AKAP13: variants seen among roughly 807,000 people sequenced by gnomAD.
The protein encoded by AKAP13 is A-kinase anchor protein 13.
A neutral mutation model predicts 264.5 loss-of-function variants in AKAP13; 80 were observed. The observed-to-expected ratio is 0.30, with a 90% CI of 0.25 to 0.36. The LOEUF (loss-of-function observed/expected upper bound fraction) is 0.36. Among genes scored for constraint, AKAP13 ranks in the 10% least tolerant of loss-of-function variants. The pLI is 1.00. For synonymous variants in AKAP13, 1,380 were observed against 1,250.2 expected (o/e 1.10, Z -2.19); for missense variants, 3,712 against 3,435.2 (o/e 1.08, Z -2.01).
intron 1 of AKAP13, among the ~76,000 whole-genome samples, chr15:85,387,626 G>A (rs938926510): frequency 1.3e-5 from 2 of 152,158 alleles, no homozygotes; most frequent in Non-Finnish European, 2.9e-5. Context: ...TGCCCAGCCT[G>A]CTGTGGTTTT....
Position 85,490,937 on chromosome 15 carries a change from G to T in AKAP13, c.33+5184G>T, listed in dbSNP as rs147189006. Among the ~76,000 whole-genome samples, 162 of 152,244 alleles carry T rather than the reference G, an allele frequency of 1.1e-3. 1 individual carries two copies. Among genetic ancestry groups the T allele is most frequent in the African/African-American group, 3.8e-3 (158 of 41,532 alleles). On this transcript the variant is annotated intron_variant, in intron 2 of 36. Coordinates refer to ENST00000394518, the MANE Select transcript of AKAP13 (RefSeq NM_007200.5). ...TGGGTGGTCAGGGAAGGCCTTTGAG[G>T]GGCATGTCATTTAGGCTGAGACCTG...
intron 1 of AKAP13, among the ~76,000 whole-genome samples, chr15:85,444,645 A>T (rs1052914042): frequency 6.6e-6 from 1 of 152,220 alleles, no homozygotes; most frequent in African/African-American, 2.4e-5. Flanking sequence ...TCTAAGATGG[A>T]CTACAGAATC....
chr15:85,604,288 T>C (rs1017670072), intron 8 of AKAP13, among the ~76,000 whole-genome samples: 1 of 152,212 alleles, frequency 6.6e-6, no homozygotes, highest in African/African-American at 2.4e-5. Flanking sequence ...ATTTAATCAC[T>C]GTGGCAGGAG....
At chr15:85,457,666 A>ACT (rs1356051672) in intron 1 of AKAP13, among the ~76,000 whole-genome samples, 1 of 152,190 alleles carries the variant, frequency 6.6e-6, no homozygotes, top group African/African-American at 2.4e-5. Context: ...TCTTTTGCTT[A>ACT]CTATGTCTGT....
intron 9 of AKAP13, 74 bp from the exon 10 acceptor site, chr15:85,645,744 G>A: frequency 6.8e-7 from 1 of 1,466,522 alleles, no homozygotes; most frequent in Admixed American, 2.3e-5. Flanking sequence ...GGGTGAAAAG[G>A]AAGTGGTTCT....
Position 85,673,758 on chromosome 15 carries a change from T to G in AKAP13, c.5101+3928T>G, listed in dbSNP as rs1375351431. 3.7e-5 allele frequency among the ~76,000 whole-genome samples: 5 copies of G among 136,580 alleles called. No homozygotes were observed. In the East Asian group the frequency reaches 1.2e-3, roughly 33 times the overall value. 89.6% of individuals were successfully genotyped at this position (136,580 alleles called of 152,430 possible). On this transcript the variant is annotated intron_variant, in intron 14 of 36. Coordinates refer to ENST00000394518, the MANE Select transcript of AKAP13 (RefSeq NM_007200.5). Reference sequence around the variant, plus strand: ...TGGAGTGCAGTGGCACGATCTTGGCTCACTGCAAGCTCTGCCTCCCGGGTT... The same window carrying G: ...TGGAGTGCAGTGGCACGATCTTGGCGCACTGCAAGCTCTGCCTCCCGGGTT...
chr15:85,609,280 G>T (rs2080493032), intron 8 of AKAP13, among the ~76,000 whole-genome samples: 1 of 151,952 alleles, frequency 6.6e-6, no homozygotes, highest in African/African-American at 2.4e-5. Flanking sequence ...CCCCATCCTT[G>T]TCCCAGCCTC....
intron 2 of AKAP13, among the ~76,000 whole-genome samples, chr15:85,503,799 G>A (rs1567091775): frequency 6.6e-6 from 1 of 152,216 alleles, no homozygotes; most frequent in Non-Finnish European, 1.5e-5. Flanking sequence ...CAGATAAAGG[G>A]AGCAGCATGG....
chr15:85,490,974 A>G (rs532178752), intron 2 of AKAP13, among the ~76,000 whole-genome samples: 2 of 152,326 alleles, frequency 1.3e-5, no homozygotes, highest in East Asian at 3.9e-4. Context: ...AGGAGCCAGC[A>G]TGTGAAGCTC....
At position 85,583,443 on chromosome 15, in the gene AKAP13, ATT is replaced by A. The variant is rs534676387; in HGVS notation, c.4039+1337_4039+1338del. Among the ~76,000 whole-genome samples the A allele has an allele frequency of 2.4e-4, 37 of 152,218 alleles. 1 individual carries two copies. In the East Asian group the frequency reaches 6.8e-3, roughly 28 times the overall value. On this transcript the variant is annotated intron_variant, in intron 7 of 36. Coordinates refer to ENST00000394518, the MANE Select transcript of AKAP13 (RefSeq NM_007200.5). ...TTGATGACTTTAGCTTTTTAGTTTT[ATT>A]AATGTTTTGGATTGTTAGTGATAGA... is the stretch of plus-strand genomic sequence containing the variant.
At position 85,426,950 on chromosome 15, in the gene AKAP13, G is replaced by A. The variant is rs2344435; in HGVS notation, c.-12+46152G>A. ...CACACAACCTCCTTAGTATTGTTTT[G>A]TTTTGTTTTTTTTTTTTTTTTTGGG... On this transcript the variant is annotated intron_variant, in intron 1 of 36. Coordinates refer to ENST00000394518, the MANE Select transcript of AKAP13 (RefSeq NM_007200.5). Among the ~76,000 whole-genome samples the A allele has an allele frequency of 2.3e-5, 3 of 128,492 alleles. No individual in the cohort carries two copies. The Admixed American group carries it at 2.4e-4, about 10-fold the overall frequency. 84.3% of individuals were successfully genotyped at this position (128,492 alleles called of 152,430 possible). A position where few individuals can be genotyped will look rare whatever the true frequency, so the allele number is the denominator to read the frequency against.
intron 1 of AKAP13, among the ~76,000 whole-genome samples, chr15:85,438,082 C>G (rs1442787351): frequency 6.8e-6 from 1 of 146,316 alleles, no homozygotes; most frequent in Non-Finnish European, 1.5e-5. Context: ...TGTCTCAGCC[C>G]AAAATCTCCT....
intron 5 of AKAP13, chr15:85,555,547 C>A: frequency 8.7e-7 from 1 of 1,147,496 alleles, no homozygotes; most frequent in Non-Finnish European, 1.2e-6. Flanking sequence ...TATTCTCTGA[C>A]ATTTTCTCTG....
chr15:85,653,153 A>G (rs576082892), intron 10 of AKAP13, among the ~76,000 whole-genome samples: 122 of 152,320 alleles, frequency 8.0e-4, no homozygotes, highest in African/African-American at 2.8e-3. Context: ...CAGTTATTTC[A>G]TTTTAAAATA....
intron 9 of AKAP13, among the ~76,000 whole-genome samples, chr15:85,643,283 A>G (rs1033748865): frequency 1.3e-5 from 2 of 151,706 alleles, no homozygotes; most frequent in Admixed American, 6.6e-5. Context: ...TTCCCCCCCA[A>G]CACTAAACAT....
At chr15:85,611,072 A>G (rs756307898) in intron 8 of AKAP13, among the ~76,000 whole-genome samples, 1 of 152,214 alleles carries the variant, frequency 6.6e-6, no homozygotes, top group Non-Finnish European at 1.5e-5. Context: ...CTACGCCAGA[A>G]CTACCCTCAC....
intron 2 of AKAP13, among the ~76,000 whole-genome samples, chr15:85,499,938 T>C (rs143734222): frequency 4.5e-4 from 69 of 152,368 alleles, no homozygotes; most frequent in South Asian, 6.2e-4. Context: ...TCAGCTTCTA[T>C]CACAGTACTT....
At chr15:85,666,030 G>T (rs2151552404) in intron 13 of AKAP13, among the ~76,000 whole-genome samples, 1 of 152,142 alleles carries the variant, frequency 6.6e-6, no homozygotes, top group African/African-American at 2.4e-5. Flanking sequence ...TAATCCTTTG[G>T]GTATATACCC....
At chr15:85,743,011 A>T (rs1269748391) in intron 35 of AKAP13, among the ~76,000 whole-genome samples, 1 of 152,082 alleles carries the variant, frequency 6.6e-6, no homozygotes, top group African/African-American at 2.4e-5. Flanking sequence ...AGAGTAGATG[A>T]TCCTCTTTAT....
Sources: allele counts gnomAD v4.1 joint callset (sites outside exome capture counted in the v4.1 genomes callset), GRCh38; gene constraint gnomAD v4.1.1; transcripts MANE v1.5; gene names NCBI Gene and HGNC (gene_info 2026-07-23, HGNC 2026-07-21).